RBM20: variants seen among roughly 807,000 people sequenced by gnomAD.
The protein encoded by RBM20 is RNA binding motif protein 20, also known as RNA-binding protein 20.
Under a neutral mutation model 110.1 loss-of-function variants are expected in RBM20, and 51 were observed. That is an observed-to-expected ratio of 0.46 (90% CI 0.37 to 0.59). The LOEUF (loss-of-function observed/expected upper bound fraction) is 0.59. Ranked by LOEUF, RBM20 falls within the 20% of genes least tolerant of loss-of-function variation. The pLI is 0.00. For missense variants in RBM20, 1,512 were observed against 1,574.9 expected (o/e 0.96, Z 0.68); for synonymous variants, 589 against 618.2 (o/e 0.95, Z 0.70).
chr10:110,734,797 TG>T (rs71492063), intron 1 of RBM20, among the ~76,000 whole-genome samples: 59,236 of 151,720 alleles, frequency 0.39, 11,874 homozygotes, highest in Middle Eastern at 0.43. Flanking sequence ...TCCCCACTCA[TG>T]CCCCCTGAAT....
rs115638670 is a variant in RBM20, at chr10:110,829,743, G to A, written c.3452-1318G>A. On this transcript the variant is annotated intron_variant, in intron 12 of 13. Transcript: ENST00000369519. The stretch of plus-strand genomic sequence containing the variant: ...CACCCAACCAGCTGGGCTTGCAGTC[G>A]GTCACGCTGTGCCTTGGAGCAGGCG... 7.0e-3 allele frequency among the ~76,000 whole-genome samples: 1,072 copies of A among 152,322 alleles called. 14 individuals are homozygous for A. Among genetic ancestry groups the A allele is most frequent in the African/African-American group, 0.025 (1,023 of 41,568 alleles).
intron 1 of RBM20, among the ~76,000 whole-genome samples, chr10:110,650,471 A>ACACAGC (rs1861930284): frequency 6.6e-6 from 1 of 152,196 alleles, no homozygotes; most frequent in Non-Finnish European, 1.5e-5. Flanking sequence ...GGACAAATCA[A>ACACAGC]TCTTTCCATG....
chr10:110,803,989 G>C (rs1477030333), intron 7 of RBM20, among the ~76,000 whole-genome samples: 1 of 152,044 alleles, frequency 6.6e-6, no homozygotes, highest in Non-Finnish European at 1.5e-5. Flanking sequence ...GGCTCCCTGG[G>C]ATGGGCCGTA....
At chr10:110,767,032 G>T (rs1262171613) in intron 1 of RBM20, among the ~76,000 whole-genome samples, 10 of 140,642 alleles carry the variant, frequency 7.1e-5, no homozygotes, top group Non-Finnish European at 1.3e-4. Flanking sequence ...GGGCGGCCGG[G>T]CAGAGGCGCC....
At chr10:110,663,788 A>G (rs1862139731) in intron 1 of RBM20, among the ~76,000 whole-genome samples, 1 of 152,364 alleles carries the variant, frequency 6.6e-6, no homozygotes, top group South Asian at 2.1e-4. Flanking sequence ...CCTAGTGTAT[A>G]TCTTACCGTC....
At chr10:110,826,390 TG>T (rs1356926598) in intron 12 of RBM20, among the ~76,000 whole-genome samples, 7 of 152,174 alleles carry the variant, frequency 4.6e-5, no homozygotes, top group Non-Finnish European at 8.8e-5. Flanking sequence ...CTGTCTCCTA[TG>T]TAACCCCTCC....
At chr10:110,682,670 G>C (rs190527654) in intron 1 of RBM20, among the ~76,000 whole-genome samples, 9 of 152,336 alleles carry the variant, frequency 5.9e-5, no homozygotes, top group African/African-American at 1.7e-4. Flanking sequence ...CCAAAGAGGG[G>C]ATGTGCCCTT....
intron 1 of RBM20, among the ~76,000 whole-genome samples, chr10:110,765,909 C>T (rs1844075982): frequency 6.6e-6 from 1 of 151,986 alleles, no homozygotes; most frequent in African/African-American, 2.4e-5. Flanking sequence ...ACACACTTGC[C>T]CTTCCCCCAC....
intron 1 of RBM20, among the ~76,000 whole-genome samples, chr10:110,713,371 G>T (rs1020892554): frequency 6.6e-6 from 1 of 152,116 alleles, no homozygotes; most frequent in Admixed American, 6.5e-5. Context: ...CAGTTTCCTT[G>T]CTGTTAAGTA....
intron 7 of RBM20, among the ~76,000 whole-genome samples, chr10:110,802,706 C>T (rs959136563): frequency 1.3e-5 from 2 of 152,196 alleles, no homozygotes; most frequent in East Asian, 3.8e-4. Flanking sequence ...TTGCTTTCAG[C>T]AAATGTGCAC....
rs80321477 is a variant in RBM20, at chr10:110,667,866, T to A, written c.191+23221T>A. On this transcript the variant is annotated intron_variant, in intron 1 of 13. Transcript: ENST00000369519. ...TCCTGCTCACTTTACCCCCCATGCA[T>A]GTGACCTGCCCACTTTCTGGGGCTT... 2.6e-3 allele frequency among the ~76,000 whole-genome samples: 403 copies of A among 152,284 alleles called. 2 individuals carry two copies. Among genetic ancestry groups the A allele is most frequent in the African/African-American group, 9.3e-3 (386 of 41,550 alleles).
Position 110,822,123 on chromosome 10 carries a change from G to A in RBM20, c.3316+188G>A, listed in dbSNP as rs111762102. Among the ~76,000 whole-genome samples the A allele has an allele frequency of 0.011, 1,725 of 152,348 alleles. 42 individuals carry two copies. Among genetic ancestry groups the A allele is most frequent in the African/African-American group, 0.039 (1,620 of 41,574 alleles). The stretch of plus-strand genomic sequence containing the variant: ...CCTGGCTAAACTGTTAGTGATTTTA[G>A]GCAAGTGGTGTAAAGGAAGTTAGAT... On this transcript the variant is annotated intron_variant, in intron 11 of 13. Coordinates refer to ENST00000369519, the MANE Select transcript of RBM20 (RefSeq NM_001134363.3).
intron 1 of RBM20, among the ~76,000 whole-genome samples, chr10:110,711,223 G>A (rs1392588703): frequency 2.6e-5 from 4 of 151,322 alleles, no homozygotes; most frequent in African/African-American, 4.9e-5. Context: ...CCAGCTGCTC[G>A]GGAGGCTGAG....
intron 1 of RBM20, among the ~76,000 whole-genome samples, chr10:110,733,555 C>T (rs1843640348): frequency 6.6e-6 from 1 of 152,226 alleles, no homozygotes; most frequent in Non-Finnish European, 1.5e-5. Context: ...GGGCTAGCTC[C>T]TTGGGGTTCT....
rs572830384 is a variant in RBM20 at position 110,778,332 on chromosome 10, C to T, written c.192-2469C>T. On this transcript the variant is annotated intron_variant, in intron 1 of 13. Coordinates refer to ENST00000369519, the MANE Select transcript of RBM20 (RefSeq NM_001134363.3). ...TGCAAATGGGAAAGAATAACAAAGGCATTTTATCTGGCTCTCAAATGTGCT... is the reference window on the plus strand; with the variant it reads ...TGCAAATGGGAAAGAATAACAAAGGTATTTTATCTGGCTCTCAAATGTGCT... Among the ~76,000 whole-genome samples the T allele has an allele frequency of 1.3e-4, 20 of 152,330 alleles. 1 individual carries two copies. In the South Asian group the frequency reaches 3.9e-3, roughly 30 times the overall value.
At chr10:110,649,996 T>A (rs1861923741) in intron 1 of RBM20, among the ~76,000 whole-genome samples, 1 of 152,168 alleles carries the variant, frequency 6.6e-6, no homozygotes, top group African/African-American at 2.4e-5. Flanking sequence ...ACGGGGGTAT[T>A]GTTGGTGAGC....
chr10:110,812,112 A>G (rs1262139296), intron 8 of RBM20, among the ~76,000 whole-genome samples, 166 bp from the exon 9 acceptor site: 1 of 152,198 alleles, frequency 6.6e-6, no homozygotes, highest in Non-Finnish European at 1.5e-5. Flanking sequence ...AAGGGAGGAA[A>G]AGGCTTTCTC....
chr10:110,765,945 A>G (rs1844076454), intron 1 of RBM20, among the ~76,000 whole-genome samples: 1 of 152,172 alleles, frequency 6.6e-6, no homozygotes, highest in East Asian at 1.9e-4. Context: ...GCTGCCATGT[A>G]TGATTTTTGT....
upstream of RBM20, chr10:110,644,306 CCTCCTCCCCGCCCCTCGCGT>C (rs1183511005): frequency 1.9e-6 from 1 of 537,500 alleles, no homozygotes. The surrounding 1 kb of genome is among the most constrained non-coding windows in gnomAD (Gnocchi z 4.3). Context: ...GCCAGGACTG[CCTCCTCCCCGCCCCTCGCGT>C]CTCCTCCCCG....
Sources: allele counts gnomAD v4.1 joint callset (sites outside exome capture counted in the v4.1 genomes callset), GRCh38; gene constraint gnomAD v4.1.1; non-coding constraint Gnocchi (gnomAD v3.1); transcripts MANE v1.5; gene names NCBI Gene and HGNC (gene_info 2026-07-23, HGNC 2026-07-21).